PDE11A: variants seen among roughly 807,000 people sequenced by gnomAD.
PDE11A encodes dual 3',5'-cyclic-AMP and -GMP phosphodiesterase 11A.
Under a neutral mutation model 100.5 loss-of-function variants are expected in PDE11A, and 100 were observed. That is an observed-to-expected ratio of 1.00 (90% confidence interval 0.85 to 1.18). The LOEUF is 1.18. Ranked by LOEUF, PDE11A falls within the 50% of genes most tolerant of loss-of-function variation. The probability of loss-of-function intolerance (pLI) is 0.00; values close to 1 mark genes in which losing one functional copy is unlikely to be tolerated. For missense variants in PDE11A, 1,141 were observed against 1,152.6 expected (o/e 0.99, Z 0.15); for synonymous variants, 381 against 420.8 (o/e 0.91, Z 1.16).
At chr2:177,633,117 T>C (rs1489732939) in intron 19 of PDE11A, among the ~76,000 whole-genome samples, 1 of 152,246 alleles carries the variant, frequency 6.6e-6, no homozygotes, top group African/African-American at 2.4e-5. Flanking sequence ...TAGTTAGCTA[T>C]TTTTTGTTCT....
At chr2:178,080,955 AC>A (rs573364936) in intron 2 of PDE11A, among the ~76,000 whole-genome samples, 136 of 152,280 alleles carry the variant, frequency 8.9e-4, no homozygotes, top group African/African-American at 3.1e-3. Flanking sequence ...TATTCATAAA[AC>A]ATTTATAATG....
At chr2:178,064,339 C>A (rs541153242) in intron 1 of PDE11A, among the ~76,000 whole-genome samples, 1 of 152,160 alleles carries the variant, frequency 6.6e-6, no homozygotes, top group Non-Finnish European at 1.5e-5. Context: ...TAGGTGTGTT[C>A]GGCCAAGGTT....
In PDE11A at chr2:177,763,269, A is replaced by G. The variant is rs571898874; in HGVS notation, c.1788+6054T>C. Reference sequence around the variant, plus strand: ...AACTCGGATATTAAACTTGACATAAATACTATTTAAAGTCAAAACAACTTC... The same window carrying G: ...AACTCGGATATTAAACTTGACATAAGTACTATTTAAAGTCAAAACAACTTC... On this transcript the variant is annotated intron_variant, in intron 10 of 19. Transcript: ENST00000286063. Among the ~76,000 whole-genome samples the G allele has an allele frequency of 4.6e-5, 7 of 152,342 alleles. No homozygotes were observed. In the South Asian group the frequency reaches 1.5e-3, roughly 32 times the overall value.
At chr2:178,071,022 T>C (rs1367410049) in intron 1 of PDE11A, among the ~76,000 whole-genome samples, 1 of 152,224 alleles carries the variant, frequency 6.6e-6, no homozygotes, top group African/African-American at 2.4e-5. Flanking sequence ...AACTCTAATC[T>C]AGAGAAGGGA....
At chr2:177,973,095 G>A (rs1019245986) in intron 2 of PDE11A, among the ~76,000 whole-genome samples, 3 of 151,846 alleles carry the variant, frequency 2.0e-5, no homozygotes, top group South Asian at 2.1e-4. Context: ...CAAGATGGCC[G>A]AATAGGAACA....
intron 15 of PDE11A, among the ~76,000 whole-genome samples, chr2:177,691,695 A>G (rs571085192): frequency 6.6e-6 from 1 of 152,228 alleles, no homozygotes; most frequent in Admixed American, 6.5e-5. Flanking sequence ...AGAAAAGAAA[A>G]AACAGCTCAG....
At position 177,699,735 on chromosome 2, in the gene PDE11A, G is replaced by A. The variant is rs75348843; in HGVS notation, c.2244+1386C>T. Among the ~76,000 whole-genome samples, 403 of 152,328 alleles carry A rather than the reference G, an allele frequency of 2.6e-3. 2 individuals carry two copies. The highest frequency in any genetic ancestry group is 0.01 in the Middle Eastern group (3 of 294). ...GGAAAGTGGAACAATAATAGCACCT[G>A]CATTTCTGCCTTTCTGATGGGCAGG... is the stretch of plus-strand genomic sequence containing the variant. On this transcript the variant is annotated intron_variant, in intron 14 of 19. Transcript: ENST00000286063.
Position 178,071,816 on chromosome 2 carries a change from A to C in PDE11A, c.622T>G (p.Leu208Val). The change falls in exon 1 of 20, where the codon TTG (leucine) becomes GTG (valine). Residue 208 changes from leucine (L) to valine (V), a missense_variant. By Grantham distance (32) the Leu-to-Val change is conservative (BLOSUM62 1). Coordinates refer to ENST00000286063, the MANE Select transcript of PDE11A (RefSeq NM_016953.4). ...KHNERQFFLELVKDISNDLDL... is the reference protein window; with the variant it reads ...KHNERQFFLEVVKDISNDLDL... The stretch of plus-strand genomic sequence containing the variant: ...AGGTCATTGGAGATATCTTTGACCA[A>C]TTCCAGAAAGAACTGACGCTCATTA... 1 of 1,614,016 alleles carries C rather than the reference A, an allele frequency of 6.2e-7. No homozygotes were observed. Among genetic ancestry groups the C allele is most frequent in the Non-Finnish European group, 8.5e-7 (1 of 1,179,890 alleles).
chr2:177,748,126 T>A (rs892259028), intron 10 of PDE11A, among the ~76,000 whole-genome samples: 1 of 152,164 alleles, frequency 6.6e-6, no homozygotes, highest in Non-Finnish European at 1.5e-5. Flanking sequence ...ATAATAAGGG[T>A]CATACTTCTA....
At chr2:177,739,705 A>G (rs1475771459) in intron 10 of PDE11A, among the ~76,000 whole-genome samples, 1 of 152,246 alleles carries the variant, frequency 6.6e-6, no homozygotes, top group African/African-American at 2.4e-5. Flanking sequence ...TTCTTAAAGA[A>G]AAACAGACTC....
At chr2:177,651,556 C>A (rs751259582) in intron 19 of PDE11A, among the ~76,000 whole-genome samples, 1 of 152,182 alleles carries the variant, frequency 6.6e-6, no homozygotes, top group Admixed American at 6.5e-5. Flanking sequence ...GTGTAGAGGG[C>A]AGGTTTGAAA....
intron 1 of PDE11A, among the ~76,000 whole-genome samples, chr2:178,036,445 C>T (rs986611988): frequency 6.6e-6 from 1 of 152,152 alleles, no homozygotes; most frequent in Non-Finnish European, 1.5e-5. Context: ...GGTCATACTG[C>T]CCAAAGTAAC....
chr2:177,843,459 GA>G (rs1250649010), intron 5 of PDE11A, among the ~76,000 whole-genome samples: 1 of 152,158 alleles, frequency 6.6e-6, no homozygotes, highest in African/African-American at 2.4e-5. Flanking sequence ...GAACAGGGAG[GA>G]AAAACCATTG....
At chr2:178,077,256 CTTTCTT>C (rs1446790864), upstream of PDE11A, among the ~76,000 whole-genome samples, 33 of 66,300 alleles carry the variant, frequency 5.0e-4, no homozygotes, top group East Asian at 5.4e-3. Flanking sequence ...TCTTTTCTTT[CTTTCTT>C]TTTTTTTTTT....
intron 4 of PDE11A, among the ~76,000 whole-genome samples, chr2:177,886,547 G>A (rs1310423279): frequency 6.6e-6 from 1 of 151,954 alleles, no homozygotes; most frequent in Non-Finnish European, 1.5e-5. Flanking sequence ...AAATATAAAG[G>A]CCATAAAACA....
intron 4 of PDE11A, among the ~76,000 whole-genome samples, chr2:177,891,289 C>A (rs1333445744): frequency 6.6e-6 from 1 of 152,168 alleles, no homozygotes; most frequent in African/African-American, 2.4e-5. Context: ...GGTGACAGAG[C>A]AAGACTCCAT....
intron 2 of PDE11A, among the ~76,000 whole-genome samples, chr2:177,947,053 G>T (rs1355574015): frequency 9.3e-6 from 1 of 107,222 alleles, no homozygotes; most frequent in Non-Finnish European, 2.1e-5. Context: ...CCCCGTCCGG[G>T]AGGTGAGGGG....
At chr2:177,957,637 G>C (rs1379966588) in intron 2 of PDE11A, among the ~76,000 whole-genome samples, 2 of 152,192 alleles carry the variant, frequency 1.3e-5, no homozygotes, top group African/African-American at 4.8e-5. Context: ...AAGAGATGGA[G>C]GCCCTCTCTC....
chr2:177,708,038 G>T (rs1047384579), intron 13 of PDE11A, among the ~76,000 whole-genome samples: 2 of 152,068 alleles, frequency 1.3e-5, no homozygotes, highest in Non-Finnish European at 2.9e-5. Context: ...GGGGAGAGAG[G>T]AATCCTAAAA....
Sources: allele counts gnomAD v4.1 joint callset (sites outside exome capture counted in the v4.1 genomes callset), GRCh38; gene constraint gnomAD v4.1.1; transcripts MANE v1.5; gene names NCBI Gene and HGNC (gene_info 2026-07-23, HGNC 2026-07-21).